The following FRMD4A variants were observed in gnomAD, a reference collection of about 807,000 sequenced individuals.
FRMD4A encodes the protein FERM domain-containing protein 4A.
Under a neutral mutation model 129.1 loss-of-function variants are expected in FRMD4A, and 29 were observed. The ratio of observed to expected loss-of-function variants is 0.22; its 90% CI spans 0.17 to 0.31. The LOEUF is 0.31. Ranked by LOEUF, FRMD4A falls within the 10% of genes least tolerant of loss-of-function variation. The pLI, the probability that FRMD4A is intolerant of heterozygous loss-of-function variation, is 1.00. For synonymous variants in FRMD4A, 634 were observed against 571.6 expected (o/e 1.11, Z -1.56); for missense variants, 1,272 against 1,375.8 (o/e 0.92, Z 1.19).
intron 2 of FRMD4A, among the ~76,000 whole-genome samples, chr10:14,114,036 T>C (rs1216324643): frequency 6.6e-6 from 1 of 152,174 alleles, no homozygotes; most frequent in Non-Finnish European, 1.5e-5. Flanking sequence ...CAGTAGGGGG[T>C]GCCTTCAAAG....
At chr10:13,808,319 CACAG>C (rs1564837404) in intron 4 of FRMD4A, among the ~76,000 whole-genome samples, 1 of 152,184 alleles carries the variant, frequency 6.6e-6, no homozygotes, top group Non-Finnish European at 1.5e-5. Flanking sequence ...CTGTATAAAG[CACAG>C]ACACACACAT....
chr10:13,894,928 C>T (rs1456776583), intron 2 of FRMD4A, among the ~76,000 whole-genome samples: 2 of 152,236 alleles, frequency 1.3e-5, no homozygotes, highest in East Asian at 1.9e-4. Flanking sequence ...AGGCAAGTTT[C>T]TTAACCTCTC....
rs575266524 is a variant in FRMD4A, at chr10:13,664,276, G to T, written c.1604-767C>A. On this transcript the variant is annotated intron_variant, in intron 18 of 24. Transcript: ENST00000357447. ...CTTAATTACTCCTCTAGTTCAAGTG[G>T]GTCCTTGGATGTTTCTATAGGAAAC... Among the ~76,000 whole-genome samples the T allele has an allele frequency of 3.3e-5, 5 of 152,260 alleles. No individual in the cohort carries two copies. In the South Asian group the frequency reaches 1.0e-3, roughly 32 times the overall value.
At position 13,880,503 on chromosome 10, in the gene FRMD4A, T is replaced by C. The variant is rs1216690628; in HGVS notation, c.46-21591A>G. Among the ~76,000 whole-genome samples, 3 of 152,292 alleles carry C rather than the reference T, an allele frequency of 2.0e-5. No individual in the cohort carries two copies. In the East Asian group the frequency reaches 5.8e-4, roughly 29 times the overall value. The stretch of plus-strand genomic sequence containing the variant: ...ACCCACACGGCACCCAAACCATTTC[T>C]GCATGGCCTCCGTGGGACCAGGGGC... On this transcript the variant is annotated intron_variant, in intron 2 of 24. Transcript: ENST00000357447.
At chr10:13,689,198 C>CGGGGGGGTGGGGGGGGGGTGGGGGGGGG (rs2085398998) in intron 15 of FRMD4A, among the ~76,000 whole-genome samples, 1 of 68,070 alleles carries the variant, frequency 1.5e-5, no homozygotes, top group Non-Finnish European at 3.2e-5. Flanking sequence ...AAACTCTTTG[C>CGGGGGGGTGGGGGGGGGGTGGGGGGGGG]GGGGGGGGGG....
rs1589325090 is a variant in FRMD4A, at chr10:14,330,885, T to C, written c.-370A>G. ...TGCACTGCCTGTTCTGTGAGCGTTC[T>C]GATCTCCCTGGCTGTACCACATGTA... On this transcript the variant is annotated 5_prime_UTR_variant, in exon 1 of 25. Transcript: ENST00000357447. 1.0e-5 allele frequency: 4 copies of C among 398,618 alleles called. No individual in the cohort carries two copies. Among genetic ancestry groups the C allele is most frequent in the Non-Finnish European group, 1.3e-5 (3 of 226,142 alleles). 24.7% of individuals were successfully genotyped at this position (398,618 alleles called of 1,614,324 possible). A position where few individuals can be genotyped will look rare whatever the true frequency, so the allele number is the denominator to read the frequency against.
intron 2 of FRMD4A, among the ~76,000 whole-genome samples, chr10:14,012,072 A>G (rs182860422): frequency 2.0e-5 from 3 of 152,008 alleles, no homozygotes; most frequent in South Asian, 4.2e-4. Context: ...TATTACATAG[A>G]AAGAGCAGGT....
intron 2 of FRMD4A, among the ~76,000 whole-genome samples, chr10:14,119,371 G>A (rs115796520): frequency 0.011 from 1,702 of 152,276 alleles, 23 homozygotes; most frequent in African/African-American, 0.038. Flanking sequence ...ACGGAATGGT[G>A]GGGCCAAACC....
rs1238019561 is a variant in FRMD4A, at chr10:13,650,407, CATGAGCATGAACTCGTGTATGT to C, written c.*2+1474_*2+1495del. On this transcript the variant is annotated intron_variant, in intron 24 of 24. Coordinates refer to ENST00000357447, the MANE Select transcript of FRMD4A (RefSeq NM_018027.5). ...GTGTCCCTGCATGTGCACATGTATG[CATGAGCATGAACTCGTGTATGT>C]ATTCGTGTATGTATGTAGGTATTTC... is the stretch of plus-strand genomic sequence containing the variant. Among the ~76,000 whole-genome samples, 919 of 152,244 alleles carry C rather than the reference CATGAGCATGAACTCGTGTATGT, an allele frequency of 6.0e-3. 12 individuals are homozygous for C. Among genetic ancestry groups the C allele is most frequent in the African/African-American group, 0.021 (875 of 41,544 alleles).
rs201864694 is a variant in FRMD4A at position 13,657,272 on chromosome 10, C to T, written c.2317G>A (p.Glu773Lys). 6.2e-7 allele frequency: 1 copy of T among 1,603,530 alleles called. No homozygotes were observed. The highest frequency in any genetic ancestry group is 8.5e-7 in the Non-Finnish European group (1 of 1,177,562). Residue 773 changes from glutamate to lysine, a missense_variant, in exon 22 of 25, where the codon GAG (glutamate) becomes AAG (lysine). Coordinates refer to ENST00000357447, the MANE Select transcript of FRMD4A (RefSeq NM_018027.5). Reference protein sequence around the residue: ...QMNANYSTLAEDSPSKARQRQ... With the variant: ...QMNANYSTLAKDSPSKARQRQ... ...TGGCGCGCCTTGGACGGCGAGTCCT[C>T]GGCCAGCGTGGAGTAGTTGGCGTTC... is the stretch of plus-strand genomic sequence containing the variant.
At chr10:14,312,247 G>T (rs1846574777) in intron 2 of FRMD4A, among the ~76,000 whole-genome samples, 1 of 152,194 alleles carries the variant, frequency 6.6e-6, no homozygotes, top group Admixed American at 6.5e-5. Flanking sequence ...TTTGCCACTT[G>T]AATTCTGTAG....
chr10:13,785,837 GT>G (rs2092844410), intron 5 of FRMD4A, among the ~76,000 whole-genome samples: 2 of 151,040 alleles, frequency 1.3e-5, no homozygotes, highest in South Asian at 4.2e-4. Flanking sequence ...TGTTCTCAGT[GT>G]TCAATTGCCA....
At chr10:14,100,147 C>T (rs1278478319) in intron 2 of FRMD4A, among the ~76,000 whole-genome samples, 1 of 152,240 alleles carries the variant, frequency 6.6e-6, no homozygotes, top group East Asian at 1.9e-4. Flanking sequence ...ATGTCAACTT[C>T]ATTTCCACTG....
intron 2 of FRMD4A, among the ~76,000 whole-genome samples, chr10:14,171,405 G>A (rs1841468940): frequency 6.6e-6 from 1 of 152,146 alleles, no homozygotes; most frequent in Non-Finnish European, 1.5e-5. Context: ...CCAGCCAAAA[G>A]CCAAAGCTGT....
intron 20 of FRMD4A, 26 bp from the exon 21 acceptor site, chr10:13,659,516 T>A (rs2082459262): frequency 6.2e-7 from 1 of 1,603,448 alleles, no homozygotes; most frequent in Non-Finnish European, 8.5e-7. Context: ...TGCCACGTGG[T>A]CACCGCCAGA....
chr10:14,173,488 G>C (rs551743244), intron 2 of FRMD4A, among the ~76,000 whole-genome samples: 38 of 152,236 alleles, frequency 2.5e-4, no homozygotes, highest in Non-Finnish European at 5.3e-4. Context: ...ATTTTTCCGA[G>C]AACACACTGG....
At chr10:13,810,541 AT>A (rs778314299) in intron 4 of FRMD4A, among the ~76,000 whole-genome samples, 56 of 152,232 alleles carry the variant, frequency 3.7e-4, no homozygotes, top group Non-Finnish European at 7.2e-4. Flanking sequence ...TTAAAAAAAA[AT>A]AAACATTTCA....
In FRMD4A at chr10:13,644,126, A is replaced by G. The variant is rs2080971677; in HGVS notation, c.*2912T>C. 6.6e-6 allele frequency: 1 copy of G among 152,612 alleles called. No individual in the cohort carries two copies. Among genetic ancestry groups the G allele is most frequent in the Non-Finnish European group, 1.5e-5 (1 of 68,034 alleles). The allele number at this position is 152,612 out of a possible 1,614,324, so 9.5% of individuals were successfully genotyped here. ...ACAAATTGGAATTTTAACAGTTTCA[A>G]CACTCACCTGCATATAATAAAATAA... is the stretch of plus-strand genomic sequence containing the variant. On this transcript the variant is annotated 3_prime_UTR_variant, in exon 25 of 25. Coordinates refer to ENST00000357447, the MANE Select transcript of FRMD4A (RefSeq NM_018027.5).
chr10:13,949,826 A>T (rs972937381), intron 2 of FRMD4A, among the ~76,000 whole-genome samples: 9 of 152,234 alleles, frequency 5.9e-5, no homozygotes, highest in Admixed American at 3.9e-4. Context: ...TTTTCTGACA[A>T]GGCTCAAGCT....
Sources: allele counts gnomAD v4.1 joint callset (sites outside exome capture counted in the v4.1 genomes callset), GRCh38; gene constraint gnomAD v4.1.1; transcripts MANE v1.5; gene names NCBI Gene and HGNC (gene_info 2026-07-23, HGNC 2026-07-21).